LEKR1: variants seen among roughly 807,000 people sequenced by gnomAD.
LEKR1 encodes protein LEKR1.
A neutral mutation model predicts 72.4 loss-of-function variants in LEKR1; 59 were observed. The ratio of observed to expected loss-of-function variants is 0.82; its 90% CI spans 0.66 to 1.01. The LOEUF is 1.01. LEKR1 is among the 50% of genes least tolerant of loss of function. The pLI, the probability that LEKR1 is intolerant of heterozygous loss-of-function variation, is 0.00. For missense variants in LEKR1, 728 were observed against 759.2 expected, an observed-to-expected ratio of 0.96 and a Z score of 0.48; for synonymous variants, 257 against 263.2, an observed-to-expected ratio of 0.98 and a Z score of 0.23.
intron 6 of LEKR1, among the ~76,000 whole-genome samples, chr3:156,963,159 T>G (rs1180893966): frequency 1.5e-4 from 23 of 152,196 alleles, no homozygotes; most frequent in Non-Finnish European, 5.9e-5. Flanking sequence ...TTCAGCAATA[T>G]TTATTAGGCA....
intron 12 of LEKR1, among the ~76,000 whole-genome samples, chr3:157,037,871 T>C (rs376063357): frequency 2.0e-4 from 30 of 152,082 alleles, no homozygotes; most frequent in African/African-American, 7.2e-4. Flanking sequence ...GCAAAGGTAA[T>C]AGAAAGACTC....
intron 12 of LEKR1, among the ~76,000 whole-genome samples, chr3:157,037,614 A>G (rs1234768682): frequency 6.6e-6 from 1 of 152,052 alleles, no homozygotes; most frequent in African/African-American, 2.4e-5. Context: ...TGCAAGGAGA[A>G]CCCCTCCATG....
intron 3 of LEKR1, among the ~76,000 whole-genome samples, chr3:156,894,065 A>G (rs1025147534): frequency 9.9e-5 from 15 of 152,230 alleles, no homozygotes; most frequent in Admixed American, 1.3e-4. Context: ...GCCAAAAGCA[A>G]TCACCTGAAA....
At chr3:156,865,839 T>A (rs993539239) in intron 3 of LEKR1, among the ~76,000 whole-genome samples, 4 of 152,038 alleles carry the variant, frequency 2.6e-5, no homozygotes, top group Admixed American at 2.0e-4. Context: ...ATTATCTACT[T>A]CTTTTTGCTA....
chr3:156,888,784 C>T (rs987054715), intron 3 of LEKR1, among the ~76,000 whole-genome samples: 1 of 152,202 alleles, frequency 6.6e-6, no homozygotes, highest in African/African-American at 2.4e-5. Context: ...GTTCTTCTCA[C>T]CAGAATCACA....
At chr3:156,835,795 C>CCCTT (rs202017972) in intron 2 of LEKR1, among the ~76,000 whole-genome samples, 11 of 150,690 alleles carry the variant, frequency 7.3e-5, no homozygotes, top group South Asian at 6.3e-4. Context: ...ATTCCTTCCT[C>CCCTT]CCTTCCTTCC....
intron 5 of LEKR1, among the ~76,000 whole-genome samples, chr3:156,927,843 T>A (rs544250019): frequency 6.6e-6 from 1 of 152,086 alleles, no homozygotes; most frequent in Admixed American, 6.6e-5. Flanking sequence ...TTCATTACTG[T>A]TAAAAGTAGT....
chr3:156,985,445 T>C (rs900365959), intron 7 of LEKR1, among the ~76,000 whole-genome samples: 1 of 152,190 alleles, frequency 6.6e-6, no homozygotes, highest in African/African-American at 2.4e-5. Context: ...AGGCCAGTTG[T>C]AGTGACAGAA....
intron 5 of LEKR1, among the ~76,000 whole-genome samples, chr3:156,932,856 C>T (rs1189402663): frequency 1.3e-5 from 2 of 151,952 alleles, no homozygotes; most frequent in Admixed American, 6.6e-5. Flanking sequence ...TGATGAAAAC[C>T]TGTCTCTACT....
At chr3:156,989,909 C>T (rs146029414) in intron 7 of LEKR1, among the ~76,000 whole-genome samples, 2 of 152,156 alleles carry the variant, frequency 1.3e-5, no homozygotes, top group East Asian at 3.9e-4. Flanking sequence ...TAGCCCTTTA[C>T]CTCTAGATAC....
intron 6 of LEKR1, among the ~76,000 whole-genome samples, chr3:156,974,707 C>T (rs887812104): frequency 1.1e-4 from 17 of 151,666 alleles, no homozygotes; most frequent in African/African-American, 3.2e-4. Context: ...GTGCCAGCAA[C>T]GCCCCCCTCT....
At chr3:157,025,307 A>G (rs1734106528) in intron 11 of LEKR1, among the ~76,000 whole-genome samples, 1 of 152,230 alleles carries the variant, frequency 6.6e-6, no homozygotes, top group Non-Finnish European at 1.5e-5. Flanking sequence ...TTTAATTGCA[A>G]ATATTTTTCA....
chr3:157,008,664 C>T (rs768652420), intron 9 of LEKR1, among the ~76,000 whole-genome samples: 9 of 152,172 alleles, frequency 5.9e-5, no homozygotes, highest in Non-Finnish European at 1.0e-4. Context: ...TCTACAAAAA[C>T]CTACAGATAA....
At chr3:157,030,506 A>T (rs770019454) in intron 12 of LEKR1, among the ~76,000 whole-genome samples, 18 of 152,220 alleles carry the variant, frequency 1.2e-4, no homozygotes, top group Non-Finnish European at 2.1e-4. Flanking sequence ...GGAAAGAATG[A>T]TCTAAACAGA....
intron 3 of LEKR1, among the ~76,000 whole-genome samples, chr3:156,869,099 T>C (rs1219910829): frequency 6.6e-6 from 1 of 152,142 alleles, no homozygotes; most frequent in Non-Finnish European, 1.5e-5. Flanking sequence ...CATTCTTCCA[T>C]TGATGGACAG....
chr3:156,947,586 A>G (rs1192292917), intron 6 of LEKR1, among the ~76,000 whole-genome samples: 5 of 151,106 alleles, frequency 3.3e-5, no homozygotes, highest in African/African-American at 1.2e-4. Context: ...AGCAATATGC[A>G]TTCAATAGAA....
intron 2 of LEKR1, among the ~76,000 whole-genome samples, chr3:156,846,969 C>T (rs1041903903): frequency 6.6e-5 from 10 of 152,018 alleles, no homozygotes; most frequent in Non-Finnish European, 5.9e-5. Flanking sequence ...CACACCACCA[C>T]GCCTGGCTAA....
At chr3:156,940,061 A>G (rs532521265) in intron 5 of LEKR1, among the ~76,000 whole-genome samples, 1 of 152,298 alleles carries the variant, frequency 6.6e-6, no homozygotes, top group Non-Finnish European at 1.5e-5. Flanking sequence ...AGGCTGAGAT[A>G]AACACATATT....
chr3:157,045,314 C>T, intron 12 of LEKR1, 26 bp from the exon 13 acceptor site: 2 of 1,583,004 alleles, frequency 1.3e-6, no homozygotes, highest in Non-Finnish European at 1.7e-6. Context: ...GCTAAGTCTG[C>T]TTTCTTTTCC....
Sources: allele counts gnomAD v4.1 joint callset (sites outside exome capture counted in the v4.1 genomes callset), GRCh38; gene constraint gnomAD v4.1.1; transcripts MANE v1.5; gene names NCBI Gene and HGNC (gene_info 2026-07-23, HGNC 2026-07-21).